CAST: variants seen among roughly 807,000 people sequenced by gnomAD.
CAST encodes the protein calpastatin, also known as MIR583 host.
In CAST, 76 loss-of-function variants were observed where a neutral mutation model predicts 119.6. The observed-to-expected ratio is 0.64, with a 90% CI of 0.53 to 0.77. The LOEUF (loss-of-function observed/expected upper bound fraction) is 0.77. CAST is among the 30% of genes least tolerant of loss of function. The probability of loss-of-function intolerance (pLI) is 0.00; values close to 1 mark genes in which losing one functional copy is unlikely to be tolerated. For missense variants in CAST, 953 were observed against 946.5 expected (o/e 1.01, Z -0.09); for synonymous variants, 319 against 331.6 (o/e 0.96, Z 0.41).
At chr5:96,168,941 C>A in the CAST span, among the ~76,000 whole-genome samples, 2 of 152,008 alleles carry the variant, frequency 1.3e-5, no homozygotes, top group African/African-American at 2.4e-5. Context: ...ATTTTGAGGG[C>A]CTCTAAAAGT....
chr5:96,253,069 T>C, the CAST span, among the ~76,000 whole-genome samples: 1 of 152,180 alleles, frequency 6.6e-6, no homozygotes, highest in East Asian at 1.9e-4. Context: ...CCAGATACTT[T>C]TTTAAAAAAA....
chr5:96,230,658 A>C, the CAST span, among the ~76,000 whole-genome samples: 6 of 152,172 alleles, frequency 3.9e-5, no homozygotes, highest in Non-Finnish European at 8.8e-5. Context: ...GTCTTCACCA[A>C]GGTTAAAAAC....
the CAST span, chr5:96,432,102 G>T: frequency 6.5e-7 from 1 of 1,535,090 alleles, no homozygotes; most frequent in African/African-American, 1.4e-5. Context: ...GAACAAGAAA[G>T]AAATAGATCC....
At chr5:96,741,118 T>C (rs1000198233) in intron 13 of CAST, 148 bp from the exon 14 acceptor site, 38 of 612,486 alleles carry the variant, frequency 6.2e-5, no homozygotes, top group Admixed American at 3.0e-5. Flanking sequence ...CTTCAAAACA[T>C]ACACTTTGAT....
At chr5:96,561,689 T>C (rs2150184805) in intron 1 of CAST, among the ~76,000 whole-genome samples, 1 of 151,088 alleles carries the variant, frequency 6.6e-6, no homozygotes, top group Middle Eastern at 3.4e-3. Context: ...TCTGCACATG[T>C]AACCCAGAAC....
At chr5:96,684,517 G>A (rs183888168) in intron 2 of CAST, among the ~76,000 whole-genome samples, 206 of 151,854 alleles carry the variant, frequency 1.4e-3, no homozygotes, top group Non-Finnish European at 1.3e-3. Context: ...CATGCAACAT[G>A]CAGAAACATA....
At chr5:96,388,776 T>C in the CAST span, among the ~76,000 whole-genome samples, 15 of 152,180 alleles carry the variant, frequency 9.9e-5, no homozygotes, top group Non-Finnish European at 1.9e-4. Flanking sequence ...AGCATGTACA[T>C]GGTTAATCCA....
the CAST span, chr5:96,408,175 A>G: frequency 1.5e-6 from 2 of 1,308,620 alleles, no homozygotes; most frequent in Admixed American, 1.7e-5. Flanking sequence ...ATTAAAAATA[A>G]GGAGAATCAG....
chr5:96,656,133 T>C (rs192104097), intron 1 of CAST, among the ~76,000 whole-genome samples: 5 of 152,354 alleles, frequency 3.3e-5, no homozygotes, highest in African/African-American at 9.6e-5. Context: ...GTTCAAATCA[T>C]GTGCATTTAT....
At chr5:96,617,788 TCTAAAAAAA>T (rs1747495778) in intron 1 of CAST, among the ~76,000 whole-genome samples, 1 of 16,706 alleles carries the variant, frequency 6.0e-5, no homozygotes, top group African/African-American at 2.2e-4. Flanking sequence ...CAAAATTCCA[TCTAAAAAAA>T]AAAAAAAAAA....
chr5:96,188,119 G>A, the CAST span, among the ~76,000 whole-genome samples: 1 of 152,048 alleles, frequency 6.6e-6, no homozygotes, highest in South Asian at 2.1e-4. Context: ...GTCTATATAG[G>A]TCTAAGCCTT....
At chr5:96,562,447 A>T (rs1746396019) in intron 1 of CAST, among the ~76,000 whole-genome samples, 1 of 152,218 alleles carries the variant, frequency 6.6e-6, no homozygotes, top group Non-Finnish European at 1.5e-5. Context: ...TTTGCCTCTC[A>T]AACTGAGTAC....
the CAST span, among the ~76,000 whole-genome samples, chr5:96,456,247 G>A: frequency 3.9e-5 from 6 of 152,184 alleles, no homozygotes; most frequent in African/African-American, 1.4e-4. Context: ...AAATGTTTAT[G>A]TGAATTCTGC....
At chr5:96,459,603 C>T in the CAST span, among the ~76,000 whole-genome samples, 3 of 152,080 alleles carry the variant, frequency 2.0e-5, no homozygotes, top group Non-Finnish European at 4.4e-5. Flanking sequence ...ACCAGAGAGC[C>T]CTCAGAACTC....
the CAST span, among the ~76,000 whole-genome samples, chr5:96,172,847 C>T: frequency 1.3e-5 from 2 of 152,204 alleles, no homozygotes; most frequent in Non-Finnish European, 2.9e-5. Context: ...ACTGATTGCT[C>T]TAGCAAAAGC....
At chr5:96,736,982 A>G (rs1761792462) in intron 10 of CAST, among the ~76,000 whole-genome samples, 1 of 152,208 alleles carries the variant, frequency 6.6e-6, no homozygotes, top group South Asian at 2.1e-4. Flanking sequence ...CACTTTCTTC[A>G]CAAGGCAGCA....
intron 2 of CAST, among the ~76,000 whole-genome samples, chr5:96,677,887 T>A (rs1750894443): frequency 6.6e-6 from 1 of 152,186 alleles, no homozygotes; most frequent in Non-Finnish European, 1.5e-5. Flanking sequence ...ATGTATTTGT[T>A]AAGGTGGCCA....
the CAST span, among the ~76,000 whole-genome samples, chr5:96,107,870 G>A: frequency 9.9e-5 from 15 of 152,162 alleles, no homozygotes; most frequent in Admixed American, 3.9e-4. Context: ...CCAATCAGAC[G>A]TAGATTTGGT....
chr5:96,622,611 G>A (rs1030295003), intron 1 of CAST, among the ~76,000 whole-genome samples: 3 of 152,110 alleles, frequency 2.0e-5, no homozygotes, highest in Admixed American at 6.5e-5. Flanking sequence ...AGCACTTCTC[G>A]GGGACTAATA....
Sources: gnomAD v4.1 joint callset for allele counts (sites outside exome capture counted in the v4.1 genomes callset) on GRCh38, gnomAD v4.1.1 for gene constraint, MANE v1.5 for transcripts, NCBI Gene and HGNC (gene_info 2026-07-23, HGNC 2026-07-21) for gene names.